CLEC12A: variants seen among roughly 807,000 people sequenced by gnomAD.
CLEC12A encodes C-type lectin domain family 12 member A, also known as C-type lectin protein CLL-1.
A neutral mutation model predicts 26.5 loss-of-function variants in CLEC12A; 22 were observed. The ratio of observed to expected loss-of-function variants is 0.83; its 90% CI spans 0.59 to 1.19. The LOEUF (loss-of-function observed/expected upper bound fraction) is 1.19, where lower values mean the gene tolerates loss of function less well. CLEC12A is among the 50% of genes most tolerant of loss of function. The pLI is 0.00. For missense variants in CLEC12A, 353 were observed against 315.6 expected (o/e 1.12, Z -0.90); for synonymous variants, 119 against 101.9 (o/e 1.17, Z -1.01).
chr12:9,988,012 T>A (rs1864809529), downstream of CLEC12A, among the ~76,000 whole-genome samples: 2 of 152,110 alleles, frequency 1.3e-5, no homozygotes, highest in Admixed American at 6.5e-5. Context: ...GTTGAGTTAA[T>A]GCTAAAATGA....
chr12:9,996,993 A>G, downstream of CLEC12A: 1 of 1,613,976 alleles, frequency 6.2e-7, no homozygotes, highest in Non-Finnish European at 8.5e-7. Flanking sequence ...GGCTGCATTT[A>G]TGACCTTCTG....
intron 1 of CLEC12A, among the ~76,000 whole-genome samples, chr12:9,954,736 T>C (rs113878981): frequency 1.5e-4 from 23 of 152,238 alleles, no homozygotes; most frequent in Non-Finnish European, 2.8e-4. Flanking sequence ...AATTGGCTTA[T>C]AAATTAAAAA....
At chr12:9,997,375 A>G (rs1220137457), downstream of CLEC12A, 73 of 1,115,768 alleles carry the variant, frequency 6.5e-5, no homozygotes, top group East Asian at 1.4e-3. Context: ...AACTTTGCCA[A>G]TATATGAGGA....
intron 1 of CLEC12A, among the ~76,000 whole-genome samples, chr12:9,964,301 G>A (rs150717790): frequency 1.3e-4 from 20 of 152,102 alleles, no homozygotes; most frequent in African/African-American, 4.8e-4. Context: ...AGGAGATGTT[G>A]CCTAGTCTGC....
At chr12:9,986,820 T>A (rs10845016), downstream of CLEC12A, among the ~76,000 whole-genome samples, 37,831 of 151,916 alleles carry the variant, frequency 0.25, 5,270 homozygotes, top group Middle Eastern at 0.32. Flanking sequence ...CCAAAAAAAA[T>A]TAATTAATTA....
At chr12:9,955,148 C>T (rs1253124408) in intron 1 of CLEC12A, among the ~76,000 whole-genome samples, 1 of 152,012 alleles carries the variant, frequency 6.6e-6, no homozygotes, top group Non-Finnish European at 1.5e-5. Flanking sequence ...GTGCAGTGGC[C>T]CGATCTCGGC....
upstream of CLEC12A, among the ~76,000 whole-genome samples, chr12:9,971,107 A>C (rs941275456): frequency 6.6e-6 from 1 of 152,090 alleles, no homozygotes; most frequent in Admixed American, 6.6e-5. Flanking sequence ...ATCATACAAA[A>C]GGAATATCTA....
chr12:9,996,704 T>C (rs1865056450), downstream of CLEC12A: 1 of 830,226 alleles, frequency 1.2e-6, no homozygotes, highest in South Asian at 1.4e-5. Context: ...GTTCTGTAAT[T>C]CTTACTAGGT....
At chr12:9,951,385 G>A in intron 1 of CLEC12A, 1 of 702,922 alleles carries the variant, frequency 1.4e-6, no homozygotes. Context: ...TACCGACAGT[G>A]GGAATGGCTC....
upstream of CLEC12A, among the ~76,000 whole-genome samples, chr12:9,970,532 C>T (rs1864091082): frequency 6.6e-6 from 1 of 152,072 alleles, no homozygotes; most frequent in African/African-American, 2.4e-5. Context: ...CAAAAACAGT[C>T]CTCTCCACCC....
At chr12:9,971,260 C>T (rs1018377630), upstream of CLEC12A, 3 of 225,404 alleles carry the variant, frequency 1.3e-5, no homozygotes, top group African/African-American at 7.0e-5. Flanking sequence ...TTGCATGACA[C>T]TGATGATGTT....
intron 1 of CLEC12A, chr12:9,952,618 G>A (rs960340452): frequency 1.5e-4 from 25 of 166,138 alleles, no homozygotes; most frequent in Admixed American, 2.0e-4. Flanking sequence ...AGTGAGGAGT[G>A]TCTCCGCCTG....
chr12:9,955,176 T>C (rs7959447), intron 1 of CLEC12A, among the ~76,000 whole-genome samples: 38,455 of 152,042 alleles, frequency 0.25, 5,164 homozygotes, highest in East Asian at 0.46. Context: ...AAGCTCTGCC[T>C]CCCGGGTTCA....
At position 9,979,410 on chromosome 12, in the gene CLEC12A, A is replaced by G. The variant is rs1438672667; in HGVS notation, c.265A>G (p.Ile89Val). Residue 89 changes from isoleucine (I) to valine (V), a missense_variant, in exon 3 of 6, where the codon ATT becomes GTT. Transcript: ENST00000304361. ...CATCAGTGAAGAGCTCCAGAGAAAT[A>G]TTTCTCTACAACTGATGAGTAACAT... Reference protein sequence around the residue: ...QNISEELQRNISLQLMSNMNI... With the variant: ...QNISEELQRNVSLQLMSNMNI... 1 of 1,611,832 alleles carries G rather than the reference A, an allele frequency of 6.2e-7. No individual in the cohort carries two copies. The highest frequency in any genetic ancestry group is 1.3e-5 in the African/African-American group (1 of 74,834).
chr12:9,956,695 A>G (rs985499379), intron 1 of CLEC12A, among the ~76,000 whole-genome samples: 6 of 152,264 alleles, frequency 3.9e-5, no homozygotes, highest in Admixed American at 3.3e-4. Context: ...CAGGCAAACT[A>G]TAATAAGATT....
chr12:9,999,579 A>G (rs760490679), downstream of CLEC12A, among the ~76,000 whole-genome samples: 8 of 152,322 alleles, frequency 5.3e-5, no homozygotes, highest in Middle Eastern at 3.4e-3. Context: ...ATTGGATCTG[A>G]TAGGGGCTAA....
At chr12:9,981,928 C>G (rs1405723535) in intron 4 of CLEC12A, 92 bp from the exon 5 acceptor site, 8 of 651,460 alleles carry the variant, frequency 1.2e-5, no homozygotes, top group Admixed American at 6.0e-5. Context: ...AGTATGTTAC[C>G]TTAAAACAGC....
intron 1 of CLEC12A, chr12:9,953,060 AG>A (rs1258452254): frequency 2.3e-4 from 32 of 142,208 alleles, no homozygotes; most frequent in African/African-American, 8.6e-4. Context: ...TCCGCCCAGC[AG>A]CCACCCCGTC....
the CLEC12A span, among the ~76,000 whole-genome samples, chr12:10,002,441 T>G: frequency 1.3e-5 from 1 of 76,458 alleles, no homozygotes. Context: ...TTGGGTAATG[T>G]TTTTTTTTTT....
Sources: allele counts gnomAD v4.1 joint callset (sites outside exome capture counted in the v4.1 genomes callset), GRCh38; gene constraint gnomAD v4.1.1; transcripts MANE v1.5; gene names NCBI Gene and HGNC (gene_info 2026-07-23, HGNC 2026-07-21).